Variants in DNAJB14 observed in about 807,000 individuals in gnomAD.
The protein encoded by DNAJB14 is DnaJ heat shock protein family (Hsp40) member B14, also known as dnaJ homolog subfamily B member 14.
In DNAJB14, 22 loss-of-function variants were observed where a neutral mutation model predicts 48.4. That is an observed-to-expected ratio of 0.45 (90% CI 0.32 to 0.65). The LOEUF is 0.65. DNAJB14 is among the 30% of genes least tolerant of loss of function. The pLI, the probability that DNAJB14 is intolerant of heterozygous loss-of-function variation, is 0.03. For synonymous variants in DNAJB14, 142 were observed against 158.7 expected, an observed-to-expected ratio of 0.89 and a Z score of 0.79; for missense variants, 319 against 458.8, an observed-to-expected ratio of 0.70 and a Z score of 2.78.
chr4:99,931,565 G>C (rs1726467729), intron 1 of DNAJB14, among the ~76,000 whole-genome samples: 1 of 151,896 alleles, frequency 6.6e-6, no homozygotes, highest in South Asian at 2.1e-4. Context: ...ACTGATATAA[G>C]GTAAATTTTA....
chr4:99,911,889 T>TA (rs139083764), intron 3 of DNAJB14, among the ~76,000 whole-genome samples: 6,904 of 152,308 alleles, frequency 0.045, 223 homozygotes, highest in Middle Eastern at 0.12. Flanking sequence ...TAAAAAATCT[T>TA]AAAGTCCAAC....
At chr4:99,914,528 A>G (rs1725782651) in intron 3 of DNAJB14, among the ~76,000 whole-genome samples, 1 of 152,196 alleles carries the variant, frequency 6.6e-6, no homozygotes, top group Non-Finnish European at 1.5e-5. Flanking sequence ...TAGCATTAGG[A>G]GAAATACCTT....
rs551906836 is a variant in DNAJB14, at chr4:99,939,765, C to T, written c.133+6674G>A. On this transcript the variant is annotated intron_variant, in intron 1 of 7. Transcript: ENST00000442697. ...TTAAAAATGGAATCAGCAAAGTTGT[C>T]AGTACTAATAATCACTGGAACTGAT... Among the ~76,000 whole-genome samples the T allele has an allele frequency of 9.8e-5, 15 of 152,322 alleles. No individual in the cohort carries two copies. The South Asian group carries it at 3.1e-3, about 32-fold the overall frequency.
At chr4:99,923,945 T>C (rs1056247250) in intron 2 of DNAJB14, 18 of 870,028 alleles carry the variant, frequency 2.1e-5, no homozygotes, top group African/African-American at 1.8e-4. Context: ...CTGATTTTCA[T>C]TGTGATAAGC....
intron 2 of DNAJB14, chr4:99,927,283 G>A (rs929494581): frequency 6.6e-6 from 1 of 152,022 alleles, no homozygotes; most frequent in Non-Finnish European, 1.5e-5. Flanking sequence ...GTCATTTTTC[G>A]ATTCTCTTTT....
intron 1 of DNAJB14, among the ~76,000 whole-genome samples, chr4:99,933,467 A>T (rs888876139): frequency 1.4e-5 from 2 of 147,666 alleles, no homozygotes; most frequent in African/African-American, 5.0e-5. Flanking sequence ...TAATTTTTTG[A>T]TTTTTTTTTT....
At chr4:99,907,478 C>T (rs1250500555) in intron 4 of DNAJB14, among the ~76,000 whole-genome samples, 1 of 151,940 alleles carries the variant, frequency 6.6e-6, no homozygotes, top group Admixed American at 6.6e-5. Flanking sequence ...AGTTCAAGAC[C>T]AGCCTGGACA....
chr4:99,911,937 T>C (rs1309925661), intron 3 of DNAJB14, among the ~76,000 whole-genome samples: 1 of 152,184 alleles, frequency 6.6e-6, no homozygotes, highest in East Asian at 1.9e-4. Context: ...GCTTTTGGGA[T>C]TAAGTCTTAA....
intron 7 of DNAJB14, 30 bp downstream of exon 7, chr4:99,903,696 T>A (rs1725371028): frequency 6.3e-7 from 1 of 1,588,204 alleles, no homozygotes; most frequent in South Asian, 1.1e-5. Context: ...GCGAATAAGT[T>A]TTAAAATGTT....
Position 99,938,097 on chromosome 4 carries a change from C to CAAAAAAAAAAAAAAAAAAAAAAAA in DNAJB14, c.134-7500_134-7477dup, listed in dbSNP as rs59597113. Among the ~76,000 whole-genome samples the CAAAAAAAAAAAAAAAAAAAAAAAA allele has an allele frequency of 6.8e-4, 28 of 40,980 alleles. 5 individuals are homozygous for CAAAAAAAAAAAAAAAAAAAAAAAA. The highest frequency in any genetic ancestry group is 1.1e-3 in the African/African-American group (14 of 12,712). 26.9% of individuals were successfully genotyped at this position (40,980 alleles called of 152,430 possible). ...ACATGGCGAAACCATGTTAAAAATA[C>CAAAAAAAAAAAAAAAAAAAAAAAA]AAAAAAAAAAAAAAAAAAAAAAAAA... On this transcript the variant is annotated intron_variant, in intron 1 of 7. Coordinates refer to ENST00000442697, the MANE Select transcript of DNAJB14 (RefSeq NM_001031723.4).
At chr4:99,917,736 A>G (rs1374480613) in intron 3 of DNAJB14, among the ~76,000 whole-genome samples, 2 of 152,168 alleles carry the variant, frequency 1.3e-5, no homozygotes, top group East Asian at 3.8e-4. Flanking sequence ...TTCCTGAAAG[A>G]TATTTTTGCT....
At position 99,899,791 on chromosome 4, in the gene DNAJB14, A is replaced by T. The variant is rs1034037605; in HGVS notation, c.*1237T>A. 3.3e-5 allele frequency: 5 copies of T among 151,956 alleles called. No individual in the cohort carries two copies. Among genetic ancestry groups the T allele is most frequent in the African/African-American group, 1.2e-4 (5 of 41,412 alleles). 9.4% of individuals were successfully genotyped at this position (151,956 alleles called of 1,614,324 possible). A position where few individuals can be genotyped will look rare whatever the true frequency, so the allele number is the denominator to read the frequency against. On this transcript the variant is annotated 3_prime_UTR_variant, in exon 8 of 8. Coordinates refer to ENST00000442697, the MANE Select transcript of DNAJB14 (RefSeq NM_001031723.4). ...CCAGTATACAGGCATCAAAAACTTC[A>T]ATTTCCAGCTGTTTTTTTTTTCTAA...
chr4:99,940,280 A>T (rs1726842780), intron 1 of DNAJB14, among the ~76,000 whole-genome samples: 1 of 152,190 alleles, frequency 6.6e-6, no homozygotes, highest in Non-Finnish European at 1.5e-5. Context: ...TTATACAAAC[A>T]TGTATGTTCA....
chr4:99,919,622 CAACT>C (rs1340567874), intron 3 of DNAJB14, among the ~76,000 whole-genome samples: 10 of 142,566 alleles, frequency 7.0e-5, no homozygotes, highest in South Asian at 4.4e-4. Flanking sequence ...AAAACCTAAG[CAACT>C]AACTAATATG....
chr4:99,919,015 G>T (rs570397177), intron 3 of DNAJB14, among the ~76,000 whole-genome samples: 6 of 152,248 alleles, frequency 3.9e-5, no homozygotes, highest in Admixed American at 3.9e-4. Flanking sequence ...TCTCATTACA[G>T]CATAGAGAGG....
chr4:99,926,252 C>A (rs1221693683), intron 2 of DNAJB14: 3 of 152,066 alleles, frequency 2.0e-5, no homozygotes, highest in African/African-American at 4.8e-5. Flanking sequence ...ACTTCTAGAT[C>A]ACAGATTCTT....
At chr4:99,936,023 G>A (rs1350410330) in intron 1 of DNAJB14, among the ~76,000 whole-genome samples, 1 of 152,156 alleles carries the variant, frequency 6.6e-6, no homozygotes, top group Non-Finnish European at 1.5e-5. Context: ...AGCCATGATT[G>A]TGCCACTGCA....
rs1217184943 is a variant in DNAJB14 at position 99,897,199 on chromosome 4, A to ATAT, written c.*3828_*3829insATA. Reference sequence around the variant, plus strand: ...GGTAATTAGCTGGGAAAAAAAAAAAAAAATATATATATATATATATACACC... The same window carrying ATAT: ...GGTAATTAGCTGGGAAAAAAAAAAAATATAAATATATATATATATATATACACC... On this transcript the variant is annotated 3_prime_UTR_variant, in exon 8 of 8. Coordinates refer to ENST00000442697, the MANE Select transcript of DNAJB14 (RefSeq NM_001031723.4). The ATAT allele has an allele frequency of 1.3e-3, 170 of 135,422 alleles. No individual in the cohort carries two copies. The highest frequency in any genetic ancestry group is 4.7e-3 in the African/African-American group (156 of 33,386). 8.4% of individuals were successfully genotyped at this position (135,422 alleles called of 1,614,324 possible).
chr4:99,933,176 A>ATAT (rs1560745867), intron 1 of DNAJB14, among the ~76,000 whole-genome samples: 1 of 151,934 alleles, frequency 6.6e-6, no homozygotes, highest in Non-Finnish European at 1.5e-5. Context: ...TAAAGCATGT[A>ATAT]TATATATATA....
Sources: allele counts gnomAD v4.1 joint callset (sites outside exome capture counted in the v4.1 genomes callset), GRCh38; gene constraint gnomAD v4.1.1; transcripts MANE v1.5; gene names NCBI Gene and HGNC (gene_info 2026-07-23, HGNC 2026-07-21).